The following RAP1GAP2 variants were observed in gnomAD, a reference collection of about 807,000 sequenced individuals.
The protein encoded by RAP1GAP2 is rap1 GTPase-activating protein 2.
A neutral mutation model predicts 95.0 loss-of-function variants in RAP1GAP2; 27 were observed. The ratio of observed to expected loss-of-function variants is 0.28; its 90% CI spans 0.21 to 0.39. The LOEUF is 0.39. RAP1GAP2 is among the 10% of genes least tolerant of loss of function. RAP1GAP2 has a pLI of 1.00. For synonymous variants in RAP1GAP2, 373 were observed against 380.9 expected (o/e 0.98, Z 0.24); for missense variants, 771 against 970.0 (o/e 0.79, Z 2.72).
Position 3,008,085 on chromosome 17 carries a change from G to T in RAP1GAP2, c.1434G>T (p.Leu478=), listed in dbSNP as rs1422552973. Reference sequence around the variant, plus strand: ...CCCACACACAGGCCATGCTGGGACTGGGCCCAGAGGAGGACAAGTTTGAGA... The same window carrying T: ...CCCACACACAGGCCATGCTGGGACTTGGCCCAGAGGAGGACAAGTTTGAGA... ...LHAHTQAMLG[L]GPEEDKFENG... is the part of the protein sequence containing the mutation. Residue 478 remains leucine, a synonymous_variant, in exon 17 of 25, where the codon CTG becomes CTT. Coordinates refer to ENST00000254695, the MANE Select transcript of RAP1GAP2 (RefSeq NM_015085.5). The surrounding 1 kb of genome is among the most constrained non-coding windows in gnomAD (Gnocchi z 4.2). The T allele has an allele frequency of 3.7e-6, 6 of 1,613,904 alleles. No homozygotes were observed. Among genetic ancestry groups the T allele is most frequent in the African/African-American group, 2.7e-5 (2 of 74,934 alleles).
intron 17 of RAP1GAP2, among the ~76,000 whole-genome samples, chr17:3,017,256 CCTCT>C (rs2046799752): frequency 1.3e-5 from 2 of 152,084 alleles, no homozygotes; most frequent in Non-Finnish European, 2.9e-5. Context: ...CCCTGGTGGT[CCTCT>C]CCTGGGTACT....
At chr17:2,970,273 CAAAAAAAA>C (rs869121536) in intron 8 of RAP1GAP2, among the ~76,000 whole-genome samples, 17 of 109,580 alleles carry the variant, frequency 1.6e-4, no homozygotes, top group Admixed American at 3.5e-4. Context: ...GACTCTGTCT[CAAAAAAAA>C]AAAAAAAAAA....
chr17:2,988,465 G>A (rs769292368), intron 11 of RAP1GAP2, among the ~76,000 whole-genome samples: 14 of 152,192 alleles, frequency 9.2e-5, no homozygotes, highest in Non-Finnish European at 1.6e-4. Flanking sequence ...GTATATAAAT[G>A]TAGTCATATA....
intron 8 of RAP1GAP2, among the ~76,000 whole-genome samples, chr17:2,973,882 A>C (rs781438849): frequency 2.6e-5 from 4 of 152,232 alleles, no homozygotes; most frequent in Non-Finnish European, 5.9e-5. Context: ...GCTGAAGTGA[A>C]ACATCAGAAA....
At chr17:2,997,637 A>G (rs560645796) in intron 13 of RAP1GAP2, among the ~76,000 whole-genome samples, 1 of 151,966 alleles carries the variant, frequency 6.6e-6, no homozygotes, top group Non-Finnish European at 1.5e-5. Flanking sequence ...GGTGGCTTCT[A>G]AAGATTGAAA....
chr17:2,835,380 CT>C (rs1242094513), intron 2 of RAP1GAP2, among the ~76,000 whole-genome samples: 1 of 151,910 alleles, frequency 6.6e-6, no homozygotes, highest in Non-Finnish European at 1.5e-5. Flanking sequence ...CCACCACACC[CT>C]GTTAATTTTT....
intron 3 of RAP1GAP2, among the ~76,000 whole-genome samples, chr17:2,927,419 C>T (rs1041115974): frequency 6.6e-6 from 1 of 152,206 alleles, no homozygotes; most frequent in African/African-American, 2.4e-5. Context: ...TCCCAAAGTG[C>T]TGGGATTACA....
intron 1 of RAP1GAP2, among the ~76,000 whole-genome samples, chr17:2,756,444 A>G (rs550719493): frequency 1.3e-5 from 2 of 152,302 alleles, no homozygotes; most frequent in South Asian, 4.1e-4. Flanking sequence ...AGCGCTGTCG[A>G]GTCACCTGAT....
At position 3,035,798 on chromosome 17, in the gene RAP1GAP2, G is replaced by T. The variant is rs1597930687; in HGVS notation, c.*2437G>T. On this transcript the variant is annotated 3_prime_UTR_variant, in exon 25 of 25. Coordinates refer to ENST00000254695, the MANE Select transcript of RAP1GAP2 (RefSeq NM_015085.5). The surrounding 1 kb of genome is among the most constrained non-coding windows in gnomAD (Gnocchi z 4.3). ...GGCGGGCAGCTCGGGTTCCTGGAGG[G>T]CTGTTTCCCCCACGCTGTCCCTACA... The T allele has an allele frequency of 6.6e-6, 1 of 152,272 alleles. No individual in the cohort carries two copies. The highest frequency in any genetic ancestry group is 1.5e-5 in the Non-Finnish European group (1 of 68,102). 9.4% of individuals were successfully genotyped at this position (152,272 alleles called of 1,614,324 possible). A position where few individuals can be genotyped will look rare whatever the true frequency, so the allele number is the denominator to read the frequency against.
chr17:2,921,918 C>T (rs1461578018), intron 3 of RAP1GAP2, among the ~76,000 whole-genome samples: 1 of 152,228 alleles, frequency 6.6e-6, no homozygotes, highest in African/African-American at 2.4e-5. Flanking sequence ...GGTCTCTCCT[C>T]TGTGTGTCTC....
intron 3 of RAP1GAP2, among the ~76,000 whole-genome samples, chr17:2,957,120 T>C (rs1597718316): frequency 7.1e-6 from 1 of 141,800 alleles, no homozygotes; most frequent in African/African-American, 2.7e-5. Context: ...AGAGCGAGAC[T>C]CTGTCTCAAA....
intron 2 of RAP1GAP2, among the ~76,000 whole-genome samples, chr17:2,800,847 CTTTCTTTCT>C (rs1296381080): frequency 2.2e-4 from 21 of 96,604 alleles, no homozygotes; most frequent in Middle Eastern, 4.9e-3. Flanking sequence ...TTCTTTCTTT[CTTTCTTTCT>C]TTTTTTTTTT....
chr17:2,880,445 C>T (rs1340605114), intron 2 of RAP1GAP2, among the ~76,000 whole-genome samples: 3 of 151,562 alleles, frequency 2.0e-5, no homozygotes, highest in East Asian at 3.9e-4. Context: ...TTATTTTTCA[C>T]CTTCTTCTTT....
intron 17 of RAP1GAP2, among the ~76,000 whole-genome samples, chr17:3,010,300 A>G (rs1320889369): frequency 7.2e-6 from 1 of 138,084 alleles, no homozygotes; most frequent in Admixed American, 8.1e-5. Context: ...AGATCACGCC[A>G]CTGCACTCCA....
In RAP1GAP2 at chr17:2,963,595, T is replaced by A; in HGVS notation, c.279+133T>A. The A allele has an allele frequency of 8.1e-7, 1 of 1,235,562 alleles. No homozygotes were observed. Among genetic ancestry groups the A allele is most frequent in the Non-Finnish European group, 1.2e-6 (1 of 856,334 alleles). 76.5% of individuals were successfully genotyped at this position (1,235,562 alleles called of 1,614,324 possible). On this transcript the variant is annotated intron_variant, in intron 6 of 24. Transcript: ENST00000254695. This position sits in a 1 kb window ranked among gnomAD's most constrained non-coding sequence, Gnocchi z 4.8. ...TGGGCCTGGGACCTCTCTTCCTGTC[T>A]TTGCCTTTGTAACCTCAGCTTCTCC...
chr17:2,879,785 T>C (rs2073224183), intron 2 of RAP1GAP2, among the ~76,000 whole-genome samples: 1 of 151,128 alleles, frequency 6.6e-6, no homozygotes, highest in Admixed American at 6.6e-5. Flanking sequence ...CCTTGAGCCC[T>C]CTCCCTCCAT....
Position 3,027,116 on chromosome 17 carries a change from C to G in RAP1GAP2, c.2107+46C>G, listed in dbSNP as rs1288065616. On this transcript the variant is annotated intron_variant, in intron 22 of 24. Coordinates refer to ENST00000254695, the MANE Select transcript of RAP1GAP2 (RefSeq NM_015085.5). The surrounding 1 kb of genome is among the most constrained non-coding windows in gnomAD (Gnocchi z 5.2). ...TGTGTGACGTCACCAGGAGGGCAGG[C>G]TGTGCCCTGTCCACTGTTAGCAGGG... 1 of 1,528,662 alleles carries G rather than the reference C, an allele frequency of 6.5e-7. No individual in the cohort carries two copies. The highest frequency in any genetic ancestry group is 8.8e-7 in the Non-Finnish European group (1 of 1,133,052). The allele number at this position is 1,528,662 out of a possible 1,614,324, so 94.7% of individuals were successfully genotyped here. A position where few individuals can be genotyped will look rare whatever the true frequency, so the allele number is the denominator to read the frequency against.
In RAP1GAP2 at chr17:2,836,506, A is replaced by G. The variant is rs143717129; in HGVS notation, c.80+35956A>G. On this transcript the variant is annotated intron_variant, in intron 2 of 24. Coordinates refer to ENST00000254695, the MANE Select transcript of RAP1GAP2 (RefSeq NM_015085.5). Reference sequence around the variant, plus strand: ...AATCAGCTGGGCATGGTGGCGGGCAACTGCAATCCCAGCTCCTCAAAAGGC... The same window carrying G: ...AATCAGCTGGGCATGGTGGCGGGCAGCTGCAATCCCAGCTCCTCAAAAGGC... 1.6e-3 allele frequency among the ~76,000 whole-genome samples: 242 copies of G among 152,162 alleles called. 4 individuals are homozygous for G. In the East Asian group the frequency reaches 0.039, roughly 24 times the overall value.
chr17:3,021,727 A>G (rs2046969045), intron 19 of RAP1GAP2, among the ~76,000 whole-genome samples: 1 of 152,146 alleles, frequency 6.6e-6, no homozygotes, highest in African/African-American at 2.4e-5. Flanking sequence ...GAGCCACCGC[A>G]CCCGGCCACG....
Sources: gnomAD v4.1 joint callset for allele counts (sites outside exome capture counted in the v4.1 genomes callset) on GRCh38, gnomAD v4.1.1 for gene constraint, Gnocchi (gnomAD v3.1) non-coding constraint, MANE v1.5 for transcripts, NCBI Gene and HGNC (gene_info 2026-07-23, HGNC 2026-07-21) for gene names.